MBTPS1: variants seen among roughly 807,000 people sequenced by gnomAD.
MBTPS1 encodes the protein membrane-bound transcription factor site-1 protease.
MBTPS1 carries 94 observed loss-of-function variants against 127.8 expected under a neutral mutation model. The ratio of observed to expected loss-of-function variants is 0.74; its 90% CI spans 0.62 to 0.87. The LOEUF is 0.87. Ranked by LOEUF, MBTPS1 falls within the 40% of genes least tolerant of loss-of-function variation. The pLI is 0.00. For missense variants in MBTPS1, 1,636 were observed against 1,353.2 expected, an observed-to-expected ratio of 1.21 and a Z score of -3.28; for synonymous variants, 632 against 509.4, an observed-to-expected ratio of 1.24 and a Z score of -3.24.
chr16:84,106,934 T>C (rs367679274), intron 1 of MBTPS1, among the ~76,000 whole-genome samples: 17 of 152,092 alleles, frequency 1.1e-4, no homozygotes, highest in African/African-American at 4.1e-4. Context: ...CCAAGGCTGG[T>C]TGCCCGACTG....
chr16:84,093,333 A>C, intron 5 of MBTPS1, 36 bp from the exon 6 acceptor site: 1 of 1,346,290 alleles, frequency 7.4e-7, no homozygotes, highest in Non-Finnish European at 1.1e-6. Context: ...CATAAAACAC[A>C]CTGAATAGCA....
At chr16:84,085,856 A>T (rs184153666) in intron 9 of MBTPS1, 1 of 152,220 alleles carries the variant, frequency 6.6e-6, no homozygotes, top group African/African-American at 2.4e-5. Flanking sequence ...ATTAAAATGT[A>T]AAAAAACCCA....
At chr16:84,061,141 A>G (rs1292934393) in intron 19 of MBTPS1, 1 of 147,012 alleles carries the variant, frequency 6.8e-6, no homozygotes, top group African/African-American at 2.9e-5. Context: ...TTAAGAAGAA[A>G]TCTCTAAAGG....
chr16:84,112,550 T>A (rs2086411884), intron 1 of MBTPS1, among the ~76,000 whole-genome samples: 1 of 149,812 alleles, frequency 6.7e-6, no homozygotes, highest in East Asian at 2.0e-4. Context: ...TAGTCCCAGA[T>A]ACTCAGGAGG....
At chr16:84,056,336 A>T in intron 21 of MBTPS1, 1 of 520,214 alleles carries the variant, frequency 1.9e-6, no homozygotes, top group South Asian at 2.5e-5. Context: ...GAAAGATCAA[A>T]ATCAAGTCCC....
chr16:84,081,515 G>A (rs545032615), intron 11 of MBTPS1: 1 of 340,366 alleles, frequency 2.9e-6, no homozygotes, highest in Non-Finnish European at 5.2e-6. Flanking sequence ...AAACCACTCA[G>A]AAATCATTAC....
chr16:84,112,733 G>C (rs908035183), intron 1 of MBTPS1, among the ~76,000 whole-genome samples: 2 of 151,258 alleles, frequency 1.3e-5, no homozygotes, highest in Non-Finnish European at 2.9e-5. Flanking sequence ...CCAGCACTGT[G>C]GGAGGCCGAG....
At chr16:84,094,257 C>T (rs542045809) in intron 4 of MBTPS1, among the ~76,000 whole-genome samples, 1 of 152,092 alleles carries the variant, frequency 6.6e-6, no homozygotes, top group South Asian at 2.1e-4. Flanking sequence ...ACCCAAGGAG[C>T]GGGACACAAA....
intron 1 of MBTPS1, among the ~76,000 whole-genome samples, chr16:84,110,166 C>G (rs2086379495): frequency 6.6e-6 from 1 of 152,176 alleles, no homozygotes; most frequent in Non-Finnish European, 1.5e-5. Flanking sequence ...GCATACATAA[C>G]CAGACCACAC....
rs376508969 is a variant in MBTPS1 at position 84,102,445 on chromosome 16, G to A, written c.-324-338C>T. On this transcript the variant is annotated intron_variant, in intron 1 of 22. Transcript: ENST00000343411. ...TTTACTTATTACTCACTGCTTTCAC[G>A]GGAAAATTTTTTTTAGGCATCTTCA... 3.8e-3 allele frequency among the ~76,000 whole-genome samples: 582 copies of A among 152,056 alleles called. 4 individuals are homozygous for A. The highest frequency in any genetic ancestry group is 0.013 in the African/African-American group (539 of 41,492).
rs201852077 is a variant in MBTPS1 at position 84,078,744 on chromosome 16, A to AG, written c.1448+3002dup. ...AGAATCTCTACGCACTGACGTGGAG[A>AG]GATTTCCAGGACGTTAAGTGAAAAA... On this transcript the variant is annotated intron_variant, in intron 11 of 22. Transcript: ENST00000343411. Among the ~76,000 whole-genome samples the AG allele has an allele frequency of 7.6e-4, 116 of 152,324 alleles. No individual in the cohort carries two copies. In the East Asian group the frequency reaches 0.021, roughly 28 times the overall value.
At chr16:84,059,037 ACT>A (rs1433405337) in intron 21 of MBTPS1, among the ~76,000 whole-genome samples, 1 of 152,082 alleles carries the variant, frequency 6.6e-6, no homozygotes, top group Non-Finnish European at 1.5e-5. Context: ...CCATGAAATC[ACT>A]CTGTTGGATC....
intron 19 of MBTPS1, chr16:84,061,125 T>C (rs1372212477): frequency 5.6e-6 from 1 of 177,438 alleles, no homozygotes; most frequent in Non-Finnish European, 1.2e-5. Context: ...GCCCGGAATT[T>C]AGCTTTTAAG....
intron 8 of MBTPS1, among the ~76,000 whole-genome samples, chr16:84,087,700 C>T (rs992315210): frequency 6.6e-6 from 1 of 152,088 alleles, no homozygotes; most frequent in Non-Finnish European, 1.5e-5. Flanking sequence ...CCTTTCTTCT[C>T]CTCCCTGTCA....
At chr16:84,078,169 A>G (rs2085888749) in intron 11 of MBTPS1, among the ~76,000 whole-genome samples, 1 of 152,252 alleles carries the variant, frequency 6.6e-6, no homozygotes, top group Non-Finnish European at 1.5e-5. Flanking sequence ...TAACAGAGCT[A>G]CCCGATGCTC....
rs748226747 is a variant in MBTPS1, at chr16:84,095,720, C to A, written c.507G>T (p.Leu169=). The change falls in exon 4 of 23, where the codon CTG becomes CTT. Residue 169 remains leucine, a synonymous_variant. Transcript: ENST00000343411. ...SRPLRRASLS[L]GSGFWHATGR... ...CCGTAGCATGCCAGAAGCCAGAGCCCAGGGAGAGGCTGGCTCTTCGCAGGG... is the reference window on the plus strand; with the variant it reads ...CCGTAGCATGCCAGAAGCCAGAGCCAAGGGAGAGGCTGGCTCTTCGCAGGG... 2.5e-6 allele frequency: 4 copies of A among 1,614,242 alleles called. No homozygotes were observed. The highest frequency in any genetic ancestry group is 2.5e-6 in the Non-Finnish European group (3 of 1,180,056).
intron 12 of MBTPS1, chr16:84,071,888 C>T (rs1273668861): frequency 6.6e-6 from 1 of 152,108 alleles, no homozygotes; most frequent in African/African-American, 2.4e-5. Flanking sequence ...GAGAAAATCC[C>T]AATTCCAGGA....
chr16:84,099,570 G>A (rs938144749), intron 2 of MBTPS1, among the ~76,000 whole-genome samples: 1 of 152,088 alleles, frequency 6.6e-6, no homozygotes, highest in Admixed American at 6.6e-5. Context: ...CAGATTACGA[G>A]GTGAGGAGTT....
At position 84,101,647 on chromosome 16, in the gene MBTPS1, T is replaced by C. The variant is rs143307141; in HGVS notation, c.137A>G (p.Glu46Gly). 6.2e-7 allele frequency: 1 copy of C among 1,614,004 alleles called. No individual in the cohort carries two copies. The highest frequency in any genetic ancestry group is 1.3e-5 in the African/African-American group (1 of 75,040). The change falls in exon 2 of 23, where the codon GAA becomes GGA. Residue 46 changes from glutamate (E) to glycine (G), a missense_variant. Glu to Gly is a moderately conservative substitution (Grantham distance 98). Transcript: ENST00000343411. ...ATATTCCACAACTGTTGATGAGAAT[T>C]CCACCTTCAAAGTCAGGTGGGAACA... ...PGCSHLTLKV[E>G]FSSTVVEYEY...
Sources: allele counts gnomAD v4.1 joint callset (sites outside exome capture counted in the v4.1 genomes callset), GRCh38; gene constraint gnomAD v4.1.1; transcripts MANE v1.5; gene names NCBI Gene and HGNC (gene_info 2026-07-23, HGNC 2026-07-21).